Variants in RMDN2 observed in about 807,000 individuals in gnomAD.
RMDN2 encodes regulator of microtubule dynamics 2, also known as regulator of microtubule dynamics protein 2.
A neutral mutation model predicts 52.8 loss-of-function variants in RMDN2; 61 were observed. That is an observed-to-expected ratio of 1.16 (90% confidence interval 0.94 to 1.43). RMDN2 has a LOEUF of 1.43. Among genes scored for constraint, RMDN2 ranks in the 40% most tolerant of loss-of-function variants. RMDN2 has a pLI of 0.00. For synonymous variants in RMDN2, 180 were observed against 153.1 expected, an observed-to-expected ratio of 1.18 and a Z score of -1.30; for missense variants, 592 against 475.3, an observed-to-expected ratio of 1.25 and a Z score of -2.28.
At chr2:37,927,855 A>G (rs1190682967) in intron 1 of RMDN2, among the ~76,000 whole-genome samples, 1 of 152,236 alleles carries the variant, frequency 6.6e-6, no homozygotes, top group East Asian at 1.9e-4. Flanking sequence ...ATTAGCTACA[A>G]TTTCAGCTGA....
At chr2:38,027,434 A>G (rs898175255) in intron 10 of RMDN2, 1 of 152,224 alleles carries the variant, frequency 6.6e-6, no homozygotes, top group Non-Finnish European at 1.5e-5. Flanking sequence ...GCATTGTAAT[A>G]TTTTAAAAAT....
intron 2 of RMDN2, chr2:37,951,649 A>G: frequency 1.2e-6 from 2 of 1,613,252 alleles, no homozygotes; most frequent in Non-Finnish European, 1.7e-6. Context: ...ATTTTTTTTG[A>G]TCCTCAAGCA....
intron 10 of RMDN2, among the ~76,000 whole-genome samples, chr2:38,009,957 G>A (rs928048645): frequency 1.3e-5 from 2 of 152,178 alleles, no homozygotes; most frequent in Non-Finnish European, 2.9e-5. Flanking sequence ...CAGGTCTGTT[G>A]GAGTTTGCTG....
intron 2 of RMDN2, among the ~76,000 whole-genome samples, chr2:37,963,462 C>A (rs867594719): frequency 0.012 from 1,864 of 152,108 alleles, 28 homozygotes; most frequent in African/African-American, 0.043. Context: ...GAGGACCCTG[C>A]AGCCTTCCGC....
At chr2:37,968,297 G>A (rs1325789179) in intron 2 of RMDN2, among the ~76,000 whole-genome samples, 2 of 149,352 alleles carry the variant, frequency 1.3e-5, no homozygotes, top group East Asian at 2.0e-4. Context: ...AACAAAATTA[G>A]CTGGGCACCG....
intron 10 of RMDN2, among the ~76,000 whole-genome samples, chr2:38,012,206 C>T (rs1437773817): frequency 6.6e-6 from 1 of 152,204 alleles, no homozygotes; most frequent in Non-Finnish European, 1.5e-5. Context: ...TAGCTTTATT[C>T]CTTCCTATCC....
intron 10 of RMDN2, among the ~76,000 whole-genome samples, chr2:38,057,021 G>T (rs1415487422): frequency 2.0e-5 from 3 of 152,202 alleles, no homozygotes; most frequent in Non-Finnish European, 4.4e-5. Context: ...GACTCTCTGT[G>T]AAGCAGCATC....
At chr2:37,926,290 AAATT>A (rs1387199595) in intron 1 of RMDN2, among the ~76,000 whole-genome samples, 9 of 152,240 alleles carry the variant, frequency 5.9e-5, no homozygotes, top group Admixed American at 3.3e-4. Context: ...CTACATCAAA[AAATT>A]AATTTTAAAT....
At chr2:37,925,492 A>AGGGAAGCGGAAATACTTGCGGT (rs2124872438) in intron 1 of RMDN2, 67 bp downstream of exon 1, 1 of 152,702 alleles carries the variant, frequency 6.5e-6, no homozygotes, top group South Asian at 2.1e-4. Flanking sequence ...GGACTTGCGG[A>AGGGAAGCGGAAATACTTGCGGT]GGGAAGCGGA....
At chr2:38,062,401 G>A (rs163079) in intron 10 of RMDN2, among the ~76,000 whole-genome samples, 30,950 of 152,100 alleles carry the variant, frequency 0.2, 3,354 homozygotes, top group African/African-American at 0.26. Flanking sequence ...TGTATCAATG[G>A]TTCATTCTTT....
chr2:37,973,535 A>T (rs1340238343), intron 2 of RMDN2, among the ~76,000 whole-genome samples: 1 of 152,230 alleles, frequency 6.6e-6, no homozygotes, highest in Non-Finnish European at 1.5e-5. Flanking sequence ...TAAATTATAC[A>T]GTATGTTAGA....
intron 2 of RMDN2, chr2:37,952,647 C>G (rs1668981121): frequency 5.4e-6 from 1 of 185,336 alleles, no homozygotes. Context: ...TCAATTCACA[C>G]ATTTTCATAT....
At chr2:38,061,541 G>C (rs1026400624) in intron 10 of RMDN2, among the ~76,000 whole-genome samples, 2 of 151,652 alleles carry the variant, frequency 1.3e-5, no homozygotes, top group African/African-American at 4.8e-5. Context: ...GGATGTAAGA[G>C]GAAGCTTGTC....
chr2:38,037,511 A>G (rs573103591), intron 10 of RMDN2, among the ~76,000 whole-genome samples: 10 of 152,362 alleles, frequency 6.6e-5, no homozygotes, highest in African/African-American at 2.2e-4. Context: ...GCAACACCAA[A>G]GGAATTTTAT....
chr2:38,049,735 G>C (rs1681476317), intron 10 of RMDN2, among the ~76,000 whole-genome samples: 1 of 152,054 alleles, frequency 6.6e-6, no homozygotes, highest in Non-Finnish European at 1.5e-5. Flanking sequence ...ACCATGCCCA[G>C]CTAATTTTTT....
chr2:37,939,015 T>G (rs1667557121), intron 2 of RMDN2, among the ~76,000 whole-genome samples: 3 of 152,232 alleles, frequency 2.0e-5, no homozygotes, highest in Non-Finnish European at 4.4e-5. Context: ...TCTTTCCTGC[T>G]TTCTCCTGTG....
chr2:37,990,051 G>A (rs1325950515), intron 6 of RMDN2, among the ~76,000 whole-genome samples: 1 of 150,848 alleles, frequency 6.6e-6, no homozygotes, highest in East Asian at 1.9e-4. Flanking sequence ...GCTGAGGCAG[G>A]AGAATGGCAT....
chr2:38,049,023 A>C (rs893027450), intron 10 of RMDN2, among the ~76,000 whole-genome samples: 2 of 152,366 alleles, frequency 1.3e-5, no homozygotes, highest in African/African-American at 4.8e-5. Context: ...AATGCTGTTT[A>C]GGAGCCTGCT....
chr2:37,967,000 A>G (rs1234892902), intron 2 of RMDN2, among the ~76,000 whole-genome samples: 1 of 152,206 alleles, frequency 6.6e-6, no homozygotes, highest in South Asian at 2.1e-4. Context: ...TGGTGAAATC[A>G]TTGATGCTTT....
Sources: gnomAD v4.1 joint callset for allele counts (sites outside exome capture counted in the v4.1 genomes callset) on GRCh38, gnomAD v4.1.1 for gene constraint, MANE v1.5 for transcripts, NCBI Gene and HGNC (gene_info 2026-07-23, HGNC 2026-07-21) for gene names.